L3MBTL4: variants seen among roughly 807,000 people sequenced by gnomAD.
The protein encoded by L3MBTL4 is lethal(3)malignant brain tumor-like protein 4.
In L3MBTL4, 70 loss-of-function variants were observed where a neutral mutation model predicts 84.5. That is an observed-to-expected ratio of 0.83 (90% CI 0.68 to 1.01). L3MBTL4 has a LOEUF of 1.01. L3MBTL4 is among the 50% of genes least tolerant of loss of function. L3MBTL4 has a pLI of 0.00. For missense variants in L3MBTL4, 715 were observed against 754.8 expected (o/e 0.95, Z 0.62); for synonymous variants, 274 against 259.8 (o/e 1.05, Z -0.52).
At chr18:6,336,275 A>T (rs1339155716) in intron 1 of L3MBTL4, among the ~76,000 whole-genome samples, 1 of 152,124 alleles carries the variant, frequency 6.6e-6, no homozygotes, top group Non-Finnish European at 1.5e-5. Context: ...AAACTCAGAG[A>T]GATAATCTGT....
At chr18:6,403,452 T>C (rs1262149387) in intron 1 of L3MBTL4, among the ~76,000 whole-genome samples, 4 of 152,230 alleles carry the variant, frequency 2.6e-5, no homozygotes, top group African/African-American at 9.6e-5. Context: ...TATTATAACC[T>C]ATTATATTGG....
At chr18:6,302,659 C>T (rs191987299) in intron 3 of L3MBTL4, among the ~76,000 whole-genome samples, 30 of 152,278 alleles carry the variant, frequency 2.0e-4, no homozygotes, top group African/African-American at 7.0e-4. Flanking sequence ...TTCTTTATGT[C>T]ATTTTGTGGC....
intron 3 of L3MBTL4, 150 bp downstream of exon 3, chr18:6,311,403 TA>T: frequency 1.6e-6 from 1 of 621,618 alleles, no homozygotes. Flanking sequence ...ACTTATATTC[TA>T]TACCCCTACA....
intron 12 of L3MBTL4, among the ~76,000 whole-genome samples, chr18:6,195,366 G>T (rs1362262316): frequency 6.6e-6 from 1 of 152,222 alleles, no homozygotes; most frequent in Non-Finnish European, 1.5e-5. Flanking sequence ...GCACTCTGAA[G>T]ATGGGCTAAT....
chr18:6,168,343 G>A (rs1018989006), intron 13 of L3MBTL4, among the ~76,000 whole-genome samples: 3 of 152,028 alleles, frequency 2.0e-5, no homozygotes, highest in African/African-American at 7.3e-5. Flanking sequence ...AGTTCATATG[G>A]AACCAAAAAA....
At chr18:6,071,383 C>T (rs1399028906) in intron 16 of L3MBTL4, among the ~76,000 whole-genome samples, 10 of 136,256 alleles carry the variant, frequency 7.3e-5, no homozygotes, top group Admixed American at 2.3e-4. Context: ...GAGTGAGACT[C>T]TTTCAATTAA....
chr18:6,364,136 C>A (rs1035648280), intron 1 of L3MBTL4, among the ~76,000 whole-genome samples: 5 of 152,098 alleles, frequency 3.3e-5, no homozygotes, highest in Admixed American at 3.3e-4. Context: ...CAACAGACTG[C>A]AATGCAGAAA....
intron 1 of L3MBTL4, among the ~76,000 whole-genome samples, chr18:6,318,419 A>G (rs891253999): frequency 6.8e-6 from 1 of 146,758 alleles, no homozygotes; most frequent in African/African-American, 2.5e-5. Context: ...AAGATATTCC[A>G]CACAAATGGA....
chr18:5,980,762 G>T (rs1254557841), intron 16 of L3MBTL4, among the ~76,000 whole-genome samples: 2 of 152,070 alleles, frequency 1.3e-5, no homozygotes, highest in East Asian at 3.9e-4. Flanking sequence ...TCACTTTTGG[G>T]CAAACTCAAT....
chr18:6,119,653 T>G (rs2059465867), intron 14 of L3MBTL4, among the ~76,000 whole-genome samples: 1 of 152,172 alleles, frequency 6.6e-6, no homozygotes, highest in South Asian at 2.1e-4. Context: ...AAGCCAGGCC[T>G]AAGGAATATT....
In L3MBTL4 at chr18:6,215,749, C is replaced by T. The variant is rs1432888949; in HGVS notation, c.870+1G>A. On this transcript the variant is annotated splice_donor_variant, in intron 11 of 18. Coordinates refer to ENST00000317931, the MANE Select transcript of L3MBTL4 (RefSeq NM_001330559.2). LOFTEE classifies it high-confidence loss of function. ...AGAGTTTGTACCCACATAGAACTTA[C>T]CATTTTAAAAACTTTGGCAGGAACT... The T allele has an allele frequency of 6.3e-7, 1 of 1,590,608 alleles. No homozygotes were observed. Among genetic ancestry groups the T allele is most frequent in the South Asian group, 1.1e-5 (1 of 87,500 alleles).
intron 1 of L3MBTL4, among the ~76,000 whole-genome samples, chr18:6,335,383 G>A (rs774594559): frequency 2.0e-4 from 31 of 152,200 alleles, no homozygotes; most frequent in East Asian, 3.9e-4. Context: ...GAGCCACTGC[G>A]CCTGTCCTCA....
At chr18:6,269,503 C>T (rs114832644) in intron 4 of L3MBTL4, among the ~76,000 whole-genome samples, 3,969 of 151,990 alleles carry the variant, frequency 0.026, 158 homozygotes, top group African/African-American at 0.089. Context: ...AAAGTCATGT[C>T]GACAATATAT....
intron 1 of L3MBTL4, among the ~76,000 whole-genome samples, chr18:6,408,879 G>T (rs2055848221): frequency 6.6e-6 from 1 of 152,030 alleles, no homozygotes; most frequent in Non-Finnish European, 1.5e-5. Context: ...GTTTCGCCAT[G>T]TTACCCAGGC....
intron 16 of L3MBTL4, among the ~76,000 whole-genome samples, chr18:6,041,410 C>T (rs1293667961): frequency 6.6e-6 from 1 of 151,846 alleles, no homozygotes; most frequent in Non-Finnish European, 1.5e-5. Context: ...TTTCTCCAAC[C>T]TATTAATCTT....
At chr18:5,960,718 G>A (rs182330904) in intron 17 of L3MBTL4, 9 of 152,314 alleles carry the variant, frequency 5.9e-5, no homozygotes, top group East Asian at 3.9e-4. Flanking sequence ...GGCCACATAC[G>A]GTTGATAAGT....
intron 13 of L3MBTL4, among the ~76,000 whole-genome samples, chr18:6,153,827 C>T (rs2042990750): frequency 6.6e-6 from 1 of 152,152 alleles, no homozygotes; most frequent in Non-Finnish European, 1.5e-5. Context: ...AAGAAGATGC[C>T]TGCTTCCCCT....
At chr18:6,109,126 C>T (rs1225921717) in intron 14 of L3MBTL4, among the ~76,000 whole-genome samples, 1 of 152,124 alleles carries the variant, frequency 6.6e-6, no homozygotes, top group Non-Finnish European at 1.5e-5. Flanking sequence ...AGTGAAGGTA[C>T]ATCAGGATTT....
intron 4 of L3MBTL4, among the ~76,000 whole-genome samples, chr18:6,286,402 T>C (rs1046061558): frequency 6.6e-6 from 1 of 151,658 alleles, no homozygotes; most frequent in East Asian, 2.0e-4. Flanking sequence ...AGGCAGAGGT[T>C]GCAGTGAGCC....
Sources: gnomAD v4.1 joint callset for allele counts (sites outside exome capture counted in the v4.1 genomes callset) on GRCh38, gnomAD v4.1.1 for gene constraint, MANE v1.5 for transcripts, NCBI Gene and HGNC (gene_info 2026-07-23, HGNC 2026-07-21) for gene names.